The following AGA variants were observed in gnomAD, a reference collection of about 807,000 sequenced individuals.
AGA encodes aspartylglucosaminidase.
In AGA, 31 loss-of-function variants were observed where a neutral mutation model predicts 40.1. The ratio of observed to expected loss-of-function variants is 0.77; its 90% CI spans 0.58 to 1.04. The LOEUF (loss-of-function observed/expected upper bound fraction) is 1.04, where lower values mean the gene tolerates loss of function less well. Ranked by LOEUF, AGA falls within the 50% of genes least tolerant of loss-of-function variation. AGA has a pLI of 0.00. For missense variants in AGA, 445 were observed against 435.4 expected (o/e 1.02, Z -0.20); for synonymous variants, 148 against 144.0 (o/e 1.03, Z -0.20).
chr4:177,434,980 A>C (rs1579040904), intron 6 of AGA, among the ~76,000 whole-genome samples: 1 of 151,596 alleles, frequency 6.6e-6, no homozygotes, highest in Non-Finnish European at 1.5e-5. Context: ...GCTCACTGCA[A>C]CCTCCGCCTC....
intron 3 of AGA, among the ~76,000 whole-genome samples, chr4:177,439,266 A>G (rs963563480): frequency 2.0e-5 from 3 of 152,172 alleles, no homozygotes; most frequent in African/African-American, 7.2e-5. Flanking sequence ...CTGTAATCCC[A>G]GCTACTTGGA....
chr4:177,430,790 G>A lies in AGA; in HGVS notation c.*918C>T. ...ATTCTAAAGTTTGAATATCGTACAT[G>A]TACATTTATTAATGACTGTTGATTA... On this transcript the variant is annotated 3_prime_UTR_variant, in exon 9 of 9. Transcript: ENST00000264595. 1 of 453,360 alleles carries A rather than the reference G, an allele frequency of 2.2e-6. No individual in the cohort carries two copies. The highest frequency in any genetic ancestry group is 4.4e-6 in the Non-Finnish European group (1 of 226,228). 28.1% of individuals were successfully genotyped at this position (453,360 alleles called of 1,614,324 possible).
At chr4:177,435,146 G>A (rs1736771247) in intron 6 of AGA, among the ~76,000 whole-genome samples, 1 of 151,906 alleles carries the variant, frequency 6.6e-6, no homozygotes, top group Admixed American at 6.6e-5. Flanking sequence ...CCTGACCTCA[G>A]GTGATCTGCC....
chr4:177,434,333 A>G, intron 7 of AGA, 49 bp downstream of exon 7: 4 of 1,549,052 alleles, frequency 2.6e-6, no homozygotes, highest in Non-Finnish European at 3.6e-6. Flanking sequence ...TAAAAGAAAA[A>G]AATATCTTCT....
intron 7 of AGA, among the ~76,000 whole-genome samples, chr4:177,433,852 A>G (rs979012706): frequency 6.6e-6 from 1 of 151,778 alleles, no homozygotes; most frequent in Non-Finnish European, 1.5e-5. Flanking sequence ...AGGGTGAGAA[A>G]TACTACTTTA....
chr4:177,431,951 C>A, intron 8 of AGA, 143 bp from the exon 9 acceptor site: 1 of 725,490 alleles, frequency 1.4e-6, no homozygotes, highest in South Asian at 1.6e-5. Context: ...GTGTCATCCT[C>A]CTCAGAACTG....
Position 177,440,336 on chromosome 4 carries a change from A to G in AGA, c.218T>C (p.Val73Ala). Residue 73 changes from valine to alanine, a missense_variant, in exon 2 of 9, where the codon GTA (valine) becomes GCA (alanine). Coordinates refer to ENST00000264595, the MANE Select transcript of AGA (RefSeq NM_000027.4). Reference protein sequence around the residue: ...MCEREQCDGSVGFGGSPDELG... With the variant: ...MCEREQCDGSAGFGGSPDELG... ...TTCATCAGGACTTCCTCCAAAGCCT[A>G]CAGAGCCGTCACACTGCTCTCTCTC... 1.9e-6 allele frequency: 3 copies of G among 1,614,094 alleles called. No individual in the cohort carries two copies. Among genetic ancestry groups the G allele is most frequent in the Admixed American group, 1.7e-5 (1 of 59,998 alleles).
intron 8 of AGA, 61 bp downstream of exon 8, chr4:177,433,153 A>C: frequency 6.2e-7 from 1 of 1,606,626 alleles, no homozygotes; most frequent in Non-Finnish European, 8.5e-7. Flanking sequence ...AATATTTAAA[A>C]AGTGTATGTT....
intron 6 of AGA, among the ~76,000 whole-genome samples, chr4:177,434,732 CAG>C (rs1182903240): frequency 6.6e-6 from 1 of 152,018 alleles, no homozygotes; most frequent in East Asian, 1.9e-4. Context: ...CTCACAGAAA[CAG>C]AGACTAAAAT....
rs746624930 is a variant in AGA at position 177,440,651 on chromosome 4, G to GTT, written c.128-227_128-226dup. On this transcript the variant is annotated intron_variant, in intron 1 of 8. Coordinates refer to ENST00000264595, the MANE Select transcript of AGA (RefSeq NM_000027.4). ...AACTGGCTATTGGTGCAAGCTGAAG[G>GTT]TTTTTTTTTTTTTCACTTACTAATA... is the stretch of plus-strand genomic sequence containing the variant. Among the ~76,000 whole-genome samples the GTT allele has an allele frequency of 0.11, 15,579 of 142,086 alleles. 874 individuals carry two copies. Among genetic ancestry groups the GTT allele is most frequent in the Non-Finnish European group, 0.13 (8,136 of 64,744 alleles). The allele number at this position is 142,086 out of a possible 152,430, so 93.2% of individuals were successfully genotyped here.
At chr4:177,432,634 C>T (rs1736667749) in intron 8 of AGA, among the ~76,000 whole-genome samples, 1 of 152,122 alleles carries the variant, frequency 6.6e-6, no homozygotes, top group Non-Finnish European at 1.5e-5. Flanking sequence ...TGTGTATCTT[C>T]CCCATCTGAA....
At chr4:177,434,308 AATT>A in intron 7 of AGA, 71 bp downstream of exon 7, 2 of 1,436,358 alleles carry the variant, frequency 1.4e-6, no homozygotes, top group South Asian at 1.1e-5. Context: ...CAGCCTCAAA[AATT>A]ATTTTCTATC....
Position 177,439,606 on chromosome 4 carries a change from T to C in AGA, c.364A>G (p.Thr122Ala). Residue 122 changes from threonine to alanine, a missense_variant, in exon 3 of 9, where the codon ACA becomes GCA. Coordinates refer to ENST00000264595, the MANE Select transcript of AGA (RefSeq NM_000027.4). Reference protein sequence around the residue: ...IGVARKVLEHTTHTLLVGESA... With the variant: ...IGVARKVLEHATHTLLVGESA... ...TCTCCTACTAAAAGTGTGTGTGTTG[T>C]ATGTTCCAGTACTTTCCGTGCCACA... 6.2e-7 allele frequency: 1 copy of C among 1,613,920 alleles called. No homozygotes were observed. The highest frequency in any genetic ancestry group is 8.5e-7 in the Non-Finnish European group (1 of 1,179,822).
chr4:177,439,936 A>C (rs1396934881), intron 2 of AGA: 1 of 589,548 alleles, frequency 1.7e-6, no homozygotes, highest in East Asian at 2.9e-5. Flanking sequence ...AGCTAATTTT[A>C]AATATGGCTT....
At chr4:177,439,469 G>C in intron 3 of AGA, 107 bp downstream of exon 3, 1 of 857,892 alleles carries the variant, frequency 1.2e-6, no homozygotes, top group Non-Finnish European at 2.0e-6. Flanking sequence ...AAGTAAAACA[G>C]CTGGAATTTG....
chr4:177,438,653 T>G, intron 4 of AGA, 92 bp downstream of exon 4: 1 of 857,864 alleles, frequency 1.2e-6, no homozygotes, highest in South Asian at 1.4e-5. Context: ...TGCTAACCAG[T>G]ACCCTGGACA....
In AGA at chr4:177,437,506, T is replaced by A; in HGVS notation, c.521A>T (p.Asp174Val). 6.2e-7 allele frequency: 1 copy of A among 1,606,036 alleles called. No homozygotes were observed. The highest frequency in any genetic ancestry group is 8.5e-7 in the Non-Finnish European group (1 of 1,172,738). Residue 174 changes from aspartate to valine, a missense_variant, in exon 5 of 9, where the codon GAT (aspartate) becomes GTT (valine). Transcript: ENST00000264595. ...QPNYWRNVIP[D>V]PSKYCGPYKP... is the part of the protein sequence containing the mutation. ...GTAGGGTCCGCAGTATTTTGAGGGATCTGGTATAACATTCTGTAAACAAGA... is the reference window on the plus strand; with the variant it reads ...GTAGGGTCCGCAGTATTTTGAGGGAACTGGTATAACATTCTGTAAACAAGA...
intron 7 of AGA, among the ~76,000 whole-genome samples, chr4:177,433,839 A>G (rs1222454718): frequency 6.6e-6 from 1 of 151,930 alleles, no homozygotes; most frequent in Non-Finnish European, 1.5e-5. Context: ...TCATCTGGGA[A>G]GCAGGGTGAG....
At position 177,442,283 on chromosome 4, in the gene AGA, G is replaced by A. The variant is rs922841572; in HGVS notation, c.93C>T (p.Val31=). The part of the protein sequence containing the change: ...VRCSSPLPLV[V]NTWPFKNATE... ...TTGCATTCTTAAAGGGCCAAGTGTT[G>A]ACGACCAGGGGCAGAGGGCTGGAGC... is the stretch of plus-strand genomic sequence containing the variant. Residue 31 remains valine, a synonymous_variant, in exon 1 of 9, where the codon GTC becomes GTT. Transcript: ENST00000264595. The A allele has an allele frequency of 1.3e-5, 21 of 1,613,958 alleles. No homozygotes were observed. The highest frequency in any genetic ancestry group is 5.0e-5 in the Admixed American group (3 of 60,012).
Sources: gnomAD v4.1 joint callset for allele counts (sites outside exome capture counted in the v4.1 genomes callset) on GRCh38, gnomAD v4.1.1 for gene constraint, MANE v1.5 for transcripts, NCBI Gene and HGNC (gene_info 2026-07-23, HGNC 2026-07-21) for gene names.